The following TUBGCP5 variants were observed in gnomAD, a reference collection of about 807,000 sequenced individuals.
TUBGCP5 encodes the protein gamma-tubulin complex component 5.
Under a neutral mutation model 134.7 loss-of-function variants are expected in TUBGCP5, and 98 were observed. The ratio of observed to expected loss-of-function variants is 0.73; its 90% CI spans 0.62 to 0.86. The LOEUF is 0.86. Ranked by LOEUF, TUBGCP5 falls within the 40% of genes least tolerant of loss-of-function variation. TUBGCP5 has a pLI of 0.00. For synonymous variants in TUBGCP5, 456 were observed against 431.4 expected (o/e 1.06, Z -0.71); for missense variants, 1,150 against 1,244.8 (o/e 0.92, Z 1.15).
In TUBGCP5 at chr15:23,031,098, C is replaced by G. The variant is rs552553830; in HGVS notation, c.487-78G>C. The G allele has an allele frequency of 3.9e-4, 538 of 1,393,792 alleles. 9 individuals carry two copies. The East Asian group carries it at 0.014, about 35-fold the overall frequency. The allele number at this position is 1,393,792 out of a possible 1,614,324, so 86.3% of individuals were successfully genotyped here. A position where few individuals can be genotyped will look rare whatever the true frequency, so the allele number is the denominator to read the frequency against. ...TATTTACATTAAAAGACTAAGAAAACTTTGAAGAAAAGCAAAAACTTTGAA... is the reference window on the plus strand; with the variant it reads ...TATTTACATTAAAAGACTAAGAAAAGTTTGAAGAAAAGCAAAAACTTTGAA... On this transcript the variant is annotated intron_variant, in intron 5 of 22. Transcript: ENST00000615383.
chr15:23,020,017 G>A (rs1470556631), intron 11 of TUBGCP5, among the ~76,000 whole-genome samples: 4 of 152,042 alleles, frequency 2.6e-5, no homozygotes, highest in African/African-American at 7.2e-5. Flanking sequence ...GGTGGCTCAC[G>A]CCTGTAACCC....
intron 23 of TUBGCP5, among the ~76,000 whole-genome samples, chr15:22,988,599 G>C (rs1010208593): frequency 6.6e-6 from 1 of 151,582 alleles, no homozygotes; most frequent in South Asian, 2.1e-4. Flanking sequence ...AGCCGGGCGT[G>C]GTGGTGGGTG....
At chr15:22,986,434 T>G (rs903072167) in intron 23 of TUBGCP5, among the ~76,000 whole-genome samples, 14 of 152,080 alleles carry the variant, frequency 9.2e-5, no homozygotes, top group African/African-American at 3.4e-4. Flanking sequence ...CACTACTCAC[T>G]GGTGACAGAA....
rs545071282 is a variant in TUBGCP5 at position 23,013,304 on chromosome 15, T to A, written c.1757-1973A>T. Among the ~76,000 whole-genome samples the A allele has an allele frequency of 1.3e-5, 2 of 151,756 alleles. No individual in the cohort carries two copies. Among genetic ancestry groups the A allele is most frequent in the Admixed American group, 1.3e-4 (2 of 15,270 alleles). Reference sequence around the variant, plus strand: ...CGTCTCTACTAAAAATACAAAAAAATTAGCCGGGCACGGTGGTGTGCGCCT... The same window carrying A: ...CGTCTCTACTAAAAATACAAAAAAAATAGCCGGGCACGGTGGTGTGCGCCT... On this transcript the variant is annotated intron_variant, in intron 13 of 22. Coordinates refer to ENST00000615383, the MANE Select transcript of TUBGCP5 (RefSeq NM_052903.6). The surrounding 1 kb of genome is among the most constrained non-coding windows in gnomAD (Gnocchi z 4.5).
intron 6 of TUBGCP5, among the ~76,000 whole-genome samples, chr15:23,029,859 C>T (rs540487850): frequency 4.0e-4 from 60 of 150,652 alleles, no homozygotes; most frequent in Non-Finnish European, 8.1e-4. Flanking sequence ...ATAGCCTGGG[C>T]GACAGAGTGA....
rs773944428 is a variant in TUBGCP5, at chr15:23,024,817, C to T, written c.841G>A (p.Val281Met). The change falls in exon 9 of 23, where the codon GTG becomes ATG. Residue 281 changes from valine to methionine, a missense_variant. Val to Met is a conservative substitution (Grantham distance 21, BLOSUM62 1). Coordinates refer to ENST00000615383, the MANE Select transcript of TUBGCP5 (RefSeq NM_052903.6). ...AACTGAAATATAAAGAGCTTTTTCACTCCTGAAAGTAACCTGAAATGAGAT... is the reference window on the plus strand; with the variant it reads ...AACTGAAATATAAAGAGCTTTTTCATTCCTGAAAGTAACCTGAAATGAGAT... ...IRETLWLLSG[V>M]KKLFIFQLID... 6.3e-6 allele frequency: 10 copies of T among 1,587,412 alleles called. No individual in the cohort carries two copies. In the Admixed American group the frequency reaches 1.4e-4, roughly 22 times the overall value.
rs1330763716 is a variant in TUBGCP5 at position 23,039,454 on chromosome 15, C to G, written c.90G>C (p.Gln30His). The change falls in exon 1 of 23, where the codon CAG becomes CAC. Residue 30 changes from glutamine to histidine, a missense_variant. Physicochemically the swap from Gln to His is conservative, Grantham distance 24. This residue lies in a region of TUBGCP5 where 453 missense variants were observed against 394.7 expected (regional missense o/e 1.15). Coordinates refer to ENST00000615383, the MANE Select transcript of TUBGCP5 (RefSeq NM_052903.6). The stretch of plus-strand genomic sequence containing the variant: ...GCTGGAAGTTGGGGTCTGCCTCGTC[C>G]TGGAGGCCGGCGACACCCCGGACGA... ...RELVRGVAGLQDEADPNFQLA... is the reference protein window; with the variant it reads ...RELVRGVAGLHDEADPNFQLA... The G allele has an allele frequency of 8.4e-6, 13 of 1,549,728 alleles. No homozygotes were observed. Among genetic ancestry groups the G allele is most frequent in the Non-Finnish European group, 1.1e-5 (13 of 1,145,736 alleles).
chr15:23,001,679 A>C (rs1195571569), intron 21 of TUBGCP5, among the ~76,000 whole-genome samples: 3 of 151,180 alleles, frequency 2.0e-5, no homozygotes, highest in African/African-American at 7.3e-5. Context: ...AAGAAATATC[A>C]AACACTTTGT....
chr15:23,009,902 C>T (rs1273978665), intron 15 of TUBGCP5, 43 bp downstream of exon 15: 3 of 1,558,186 alleles, frequency 1.9e-6, no homozygotes, highest in South Asian at 1.1e-5. Flanking sequence ...TCTTCAAGTA[C>T]AATCAACTAT....
At chr15:22,996,092 C>T (rs949403705), downstream of TUBGCP5, among the ~76,000 whole-genome samples, 5 of 152,176 alleles carry the variant, frequency 3.3e-5, no homozygotes, top group African/African-American at 7.2e-5. Flanking sequence ...TCTGCGTGGA[C>T]GCATTTAAAA....
chr15:23,011,192 A>G lies in TUBGCP5; in HGVS notation c.1896T>C (p.Ala632=). Residue 632 remains alanine, a synonymous_variant, in exon 14 of 23, where the codon GCT becomes GCC. Coordinates refer to ENST00000615383, the MANE Select transcript of TUBGCP5 (RefSeq NM_052903.6). ...KENLMKMQSI[A]ESHLELDDVH... ...CATCATCCAGTTCAAGATGGCTTTC[A>G]GCAATGGACTGCATCTTCATCAGGT... The G allele has an allele frequency of 6.2e-7, 1 of 1,614,044 alleles. No individual in the cohort carries two copies. Among genetic ancestry groups the G allele is most frequent in the Non-Finnish European group, 8.5e-7 (1 of 1,180,008 alleles).
In TUBGCP5 at chr15:22,999,563, G is replaced by C. The variant is rs2064250227; in HGVS notation, c.*257C>G. On this transcript the variant is annotated 3_prime_UTR_variant, in exon 23 of 23. Transcript: ENST00000615383. ...CTACAGGTACACACCACCATGTCTG[G>C]ATACATTTTGTATTTTTGGTAGACA... The C allele has an allele frequency of 1.0e-5, 5 of 478,838 alleles. No individual in the cohort carries two copies. Among genetic ancestry groups the C allele is most frequent in the Non-Finnish European group, 1.5e-5 (4 of 261,468 alleles). 29.7% of individuals were successfully genotyped at this position (478,838 alleles called of 1,614,324 possible). A position where few individuals can be genotyped will look rare whatever the true frequency, so the allele number is the denominator to read the frequency against.
chr15:23,032,939 A>G, intron 3 of TUBGCP5, 115 bp from the exon 4 acceptor site: 1 of 663,836 alleles, frequency 1.5e-6, no homozygotes, highest in Admixed American at 3.1e-5. Flanking sequence ...CTGGTTTGAG[A>G]AAACATGAGT....
intron 21 of TUBGCP5, among the ~76,000 whole-genome samples, chr15:23,001,066 G>T (rs1203300265): frequency 6.6e-6 from 1 of 152,042 alleles, no homozygotes; most frequent in Non-Finnish European, 1.5e-5. Flanking sequence ...TTTTTGAGAT[G>T]GAGTCTTGCT....
At chr15:23,011,056 G>T (rs901415581) in intron 14 of TUBGCP5, 77 bp downstream of exon 14, 1 of 1,457,744 alleles carries the variant, frequency 6.9e-7, no homozygotes, top group South Asian at 1.2e-5. Flanking sequence ...AGCCCTACCT[G>T]CCAGAAATAA....
intron 14 of TUBGCP5, among the ~76,000 whole-genome samples, chr15:23,010,564 A>AG (rs774723462): frequency 1.1e-3 from 161 of 152,312 alleles, no homozygotes; most frequent in Non-Finnish European, 5.9e-4. Flanking sequence ...CAGGGGCCCG[A>AG]GGGCACAGAC....
rs2066805841 is a variant in TUBGCP5, at chr15:23,039,526, T to C, written c.18A>G (p.Pro6=). The part of the protein sequence containing the change: MARHG[P]PWSRLDAQQE... ...GCTGCGCGTCCAACCGACTCCACGG[T>C]GGCCCGTGCCGCGCCATGTTCCGCG... Residue 6 remains proline (P), a synonymous_variant, in exon 1 of 23, where the codon CCA becomes CCG. Transcript: ENST00000615383. 2.7e-6 allele frequency: 4 copies of C among 1,486,988 alleles called. No individual in the cohort carries two copies. Among genetic ancestry groups the C allele is most frequent in the Non-Finnish European group, 2.7e-6 (3 of 1,107,874 alleles). The allele number at this position is 1,486,988 out of a possible 1,614,324, so 92.1% of individuals were successfully genotyped here. A position where few individuals can be genotyped will look rare whatever the true frequency, so the allele number is the denominator to read the frequency against.
At position 23,004,045 on chromosome 15, in the gene TUBGCP5, C is replaced by T. The variant is rs557673219; in HGVS notation, c.2838+57G>A. 56 of 1,537,100 alleles carry T rather than the reference C, an allele frequency of 3.6e-5. No individual in the cohort carries two copies. In the African/African-American group the frequency reaches 4.4e-4, roughly 12 times the overall value. ...TTAATCATCATAAAATTCCAAAGCA[C>T]GCAGACAGCGCCACTCGCCCAGCAG... On this transcript the variant is annotated intron_variant, in intron 20 of 22. Transcript: ENST00000615383.
Position 23,030,983 on chromosome 15 carries a change from TGTTG to T in TUBGCP5, c.520_523del (p.Gln174SerfsTer3), listed in dbSNP as rs772316222. ...TCCAGAGTCCTCTCTGCTTAAGGGC[TGTTG>T]ATCATTTTCCTCTTCACTTTCTTCA... On this transcript the variant is annotated frameshift_variant, in exon 6 of 23. Transcript: ENST00000615383. LOFTEE classifies it high-confidence loss of function. 1.5e-5 allele frequency: 24 copies of T among 1,613,106 alleles called. No homozygotes were observed. The highest frequency in any genetic ancestry group is 2.0e-5 in the Non-Finnish European group (24 of 1,179,796).
Sources: gnomAD v4.1 joint callset for allele counts (sites outside exome capture counted in the v4.1 genomes callset) on GRCh38, gnomAD v4.1.1 for gene constraint, gnomAD v4.1.1 regional missense constraint, Gnocchi (gnomAD v3.1) non-coding constraint, MANE v1.5 for transcripts, NCBI Gene and HGNC (gene_info 2026-07-23, HGNC 2026-07-21) for gene names.